Variants in CNOT10 observed in about 807,000 individuals in gnomAD.
CNOT10 encodes CCR4-NOT transcription complex subunit 10.
Under a neutral mutation model 94.6 loss-of-function variants are expected in CNOT10, and 30 were observed. The ratio of observed to expected loss-of-function variants is 0.32; its 90% CI spans 0.24 to 0.43. The LOEUF (loss-of-function observed/expected upper bound fraction) is 0.43, where lower values mean the gene tolerates loss of function less well. CNOT10 is among the 20% of genes least tolerant of loss of function. The pLI is 1.00. For synonymous variants in CNOT10, 289 were observed against 301.6 expected (o/e 0.96, Z 0.43); for missense variants, 759 against 877.2 (o/e 0.87, Z 1.70).
intron 7 of CNOT10, among the ~76,000 whole-genome samples, chr3:32,717,499 T>C (rs1698177189): frequency 6.6e-6 from 1 of 151,760 alleles, no homozygotes; most frequent in Non-Finnish European, 1.5e-5. Context: ...TTTCTGTGAC[T>C]GGTTTATCAC....
In CNOT10 at chr3:32,716,229, G is replaced by A. The variant is rs2125539499; in HGVS notation, c.578G>A (p.Gly193Asp). 1.3e-6 allele frequency: 2 copies of A among 1,569,240 alleles called. No homozygotes were observed. The highest frequency in any genetic ancestry group is 1.7e-6 in the Non-Finnish European group (2 of 1,151,578). ...NNNKNGKNET[G>D]NNNNKDGSNH... is the part of the protein sequence containing the mutation. ...CTTTGTTTCATCACCCTACAGACTG[G>A]TAATAACAACAACAAAGATGGATCT... Residue 193 changes from glycine (G) to aspartate (D), a missense_variant, in exon 6 of 19, where the codon GGT becomes GAT. Gly to Asp is a moderately conservative substitution (Grantham distance 94). Transcript: ENST00000328834.
intron 13 of CNOT10, among the ~76,000 whole-genome samples, chr3:32,737,818 A>G (rs894553707): frequency 6.6e-6 from 1 of 152,046 alleles, no homozygotes; most frequent in Non-Finnish European, 1.5e-5. Context: ...AAAAAAAAAG[A>G]ACACATTCTT....
intron 1 of CNOT10, among the ~76,000 whole-genome samples, chr3:32,700,483 A>G (rs1250246012): frequency 6.6e-6 from 1 of 152,184 alleles, no homozygotes; most frequent in Non-Finnish European, 1.5e-5. Context: ...TCACTGTGCA[A>G]CCTGCCTCCC....
At chr3:32,764,388 C>T (rs573180636) in intron 15 of CNOT10, 67 bp from the exon 16 acceptor site, 7 of 1,519,292 alleles carry the variant, frequency 4.6e-6, no homozygotes, top group South Asian at 2.4e-5. Context: ...CTTCTGAGCC[C>T]GAGGAGAAAA....
chr3:32,726,459 C>T (rs1243865095), intron 9 of CNOT10, among the ~76,000 whole-genome samples: 1 of 151,952 alleles, frequency 6.6e-6, no homozygotes, highest in Non-Finnish European at 1.5e-5. Context: ...CTTAGGGAGG[C>T]CGAGGTGGGC....
chr3:32,695,149 A>G (rs546034427), intron 1 of CNOT10, among the ~76,000 whole-genome samples: 13 of 152,252 alleles, frequency 8.5e-5, no homozygotes, highest in South Asian at 8.3e-4. Flanking sequence ...GTGCTTTCCC[A>G]TTTCTCCAGC....
At chr3:32,697,420 G>T (rs1169252656) in intron 1 of CNOT10, among the ~76,000 whole-genome samples, 1 of 152,088 alleles carries the variant, frequency 6.6e-6, no homozygotes, top group Non-Finnish European at 1.5e-5. Context: ...TCCCATTAAA[G>T]AATGTCATCT....
chr3:32,753,642 A>C, intron 13 of CNOT10: 1 of 1,572,672 alleles, frequency 6.4e-7, no homozygotes, highest in Non-Finnish European at 8.7e-7. Context: ...TACATCCATC[A>C]TCATCTCCTT....
chr3:32,763,780 G>A (rs1256501711), intron 15 of CNOT10, among the ~76,000 whole-genome samples: 1 of 152,270 alleles, frequency 6.6e-6, no homozygotes, highest in Admixed American at 6.5e-5. Flanking sequence ...TACATGAAAA[G>A]TAAATAAATT....
chr3:32,751,004 G>C (rs1346089442), intron 13 of CNOT10, among the ~76,000 whole-genome samples: 3 of 152,164 alleles, frequency 2.0e-5, no homozygotes, highest in Non-Finnish European at 4.4e-5. Context: ...GTCTGATAAA[G>C]AGTGTAACAG....
At chr3:32,721,084 G>C (rs1457064758) in intron 8 of CNOT10, among the ~76,000 whole-genome samples, 4 of 94,046 alleles carry the variant, frequency 4.3e-5, no homozygotes, top group African/African-American at 1.5e-4. Context: ...TTTTTTGACA[G>C]AGTCTTGCTC....
At chr3:32,689,787 C>T (rs542607008) in intron 1 of CNOT10, among the ~76,000 whole-genome samples, 85 of 151,950 alleles carry the variant, frequency 5.6e-4, no homozygotes, top group Middle Eastern at 3.4e-3. Context: ...GACTTGTCTC[C>T]GTAAAAAATA....
At chr3:32,740,371 A>T (rs1699407620) in intron 13 of CNOT10, among the ~76,000 whole-genome samples, 1 of 152,098 alleles carries the variant, frequency 6.6e-6, no homozygotes, top group African/African-American at 2.4e-5. Context: ...AAGCAGGGGA[A>T]TCGCTTCAAC....
chr3:32,703,121 T>A (rs1697442917), intron 1 of CNOT10, among the ~76,000 whole-genome samples: 1 of 150,948 alleles, frequency 6.6e-6, no homozygotes, highest in Non-Finnish European at 1.5e-5. Flanking sequence ...TGACGGGGTT[T>A]CACCGTGTTA....
At chr3:32,713,958 A>G (rs572350535) in intron 5 of CNOT10, among the ~76,000 whole-genome samples, 209 of 152,274 alleles carry the variant, frequency 1.4e-3, no homozygotes, top group Middle Eastern at 3.4e-3. Context: ...GTTATTATAT[A>G]TAGTGCTTCT....
chr3:32,685,840 A>AAT (rs1696571042), intron 1 of CNOT10, among the ~76,000 whole-genome samples: 1 of 152,128 alleles, frequency 6.6e-6, no homozygotes, highest in Non-Finnish European at 1.5e-5. Context: ...ATCTGCCTAT[A>AAT]ATATCGCGTG....
chr3:32,705,057 G>T, intron 3 of CNOT10, 85 bp downstream of exon 3: 6 of 895,832 alleles, frequency 6.7e-6, no homozygotes, highest in South Asian at 4.5e-5. Flanking sequence ...AAATAAATGT[G>T]ATTTGTCTGG....
At chr3:32,764,647 G>A (rs1280399646) in intron 16 of CNOT10, 35 bp from the exon 17 acceptor site, 5 of 1,609,904 alleles carry the variant, frequency 3.1e-6, no homozygotes, top group African/African-American at 1.3e-5. Flanking sequence ...TGTTGGCACG[G>A]CCTCTTCACC....
intron 3 of CNOT10, among the ~76,000 whole-genome samples, chr3:32,706,125 C>A (rs1697611041): frequency 6.6e-6 from 1 of 152,142 alleles, no homozygotes; most frequent in African/African-American, 2.4e-5. Context: ...AGCCTGTTCT[C>A]CTACCTGTCT....
Sources: allele counts gnomAD v4.1 joint callset (sites outside exome capture counted in the v4.1 genomes callset), GRCh38; gene constraint gnomAD v4.1.1; transcripts MANE v1.5; gene names NCBI Gene and HGNC (gene_info 2026-07-23, HGNC 2026-07-21).